CELF2: variants seen among roughly 807,000 people sequenced by gnomAD.
The protein encoded by CELF2 is CUGBP Elav-like family member 2, also known as CUG triplet repeat RNA-binding protein 2.
In CELF2, 8 loss-of-function variants were observed where a neutral mutation model predicts 62.6. The observed-to-expected ratio is 0.13, with a 90% CI of 0.07 to 0.23. CELF2 has a LOEUF of 0.23. CELF2 is among the 10% of genes least tolerant of loss of function. CELF2 has a pLI of 1.00. For missense variants in CELF2, 333 were observed against 671.0 expected (o/e 0.50, Z 5.56); for synonymous variants, 258 against 250.0 (o/e 1.03, Z -0.30).
chr10:11,218,347 T>C (rs1364430366), intron 3 of CELF2, among the ~76,000 whole-genome samples: 1 of 152,212 alleles, frequency 6.6e-6, no homozygotes, highest in Non-Finnish European at 1.5e-5. Flanking sequence ...AAAGATAAGG[T>C]AATGTCCCTA....
intron 1 of CELF2, among the ~76,000 whole-genome samples, chr10:10,808,139 TC>T (rs992646328): frequency 3.3e-5 from 5 of 152,184 alleles, no homozygotes; most frequent in African/African-American, 1.2e-4. Flanking sequence ...TGTGGTAGTT[TC>T]TGTGACATAA....
At chr10:10,507,344 G>A in the CELF2 span, among the ~76,000 whole-genome samples, 1 of 152,084 alleles carries the variant, frequency 6.6e-6, no homozygotes, top group African/African-American at 2.4e-5. Context: ...CCAGCTTTTT[G>A]CTGATACTTC....
chr10:11,183,852 A>G (rs2074147259), intron 2 of CELF2, among the ~76,000 whole-genome samples: 1 of 152,172 alleles, frequency 6.6e-6, no homozygotes, highest in African/African-American at 2.4e-5. Context: ...CACGTTTTGC[A>G]AATATTTACT....
At chr10:11,144,284 G>A (rs1214670300) in intron 1 of CELF2, among the ~76,000 whole-genome samples, 1 of 152,164 alleles carries the variant, frequency 6.6e-6, no homozygotes, top group African/African-American at 2.4e-5. Context: ...GATTTATGTA[G>A]TTGGGCAATT....
At chr10:10,687,841 G>A in the CELF2 span, among the ~76,000 whole-genome samples, 2 of 152,240 alleles carry the variant, frequency 1.3e-5, no homozygotes, top group South Asian at 4.1e-4. Context: ...TGCTACCTGA[G>A]GCATGAGAAA....
the CELF2 span, among the ~76,000 whole-genome samples, chr10:10,700,403 A>G: frequency 6.6e-6 from 1 of 152,162 alleles, no homozygotes; most frequent in Non-Finnish European, 1.5e-5. Flanking sequence ...AATACAACAG[A>G]TTGTTATATG....
rs185618762 is a variant in CELF2, at chr10:10,961,957, G to A, written c.89+41958G>A. On this transcript the variant is annotated intron_variant, in intron 2 of 13. Coordinates refer to the CELF2 transcript ENST00000636488. ...AGGCTGTCCTCTTACAGCCAGGTGC[G>A]GTGACTCATGCTTGTAATGCGGTAC... 1.2e-4 allele frequency among the ~76,000 whole-genome samples: 19 copies of A among 152,074 alleles called. 1 individual carries two copies. The highest frequency in any genetic ancestry group is 2.6e-4 in the Admixed American group (4 of 15,278).
chr10:10,618,152 A>C, the CELF2 span, among the ~76,000 whole-genome samples: 2 of 152,088 alleles, frequency 1.3e-5, no homozygotes, highest in South Asian at 4.1e-4. Flanking sequence ...GCCTCTTTCC[A>C]ATCCAGTATC....
At chr10:11,158,165 A>G (rs1273112837) in intron 1 of CELF2, among the ~76,000 whole-genome samples, 4 of 152,202 alleles carry the variant, frequency 2.6e-5, no homozygotes, top group African/African-American at 4.8e-5. Context: ...GCCACTTTCA[A>G]TTAGTTGCCC....
the CELF2 span, among the ~76,000 whole-genome samples, chr10:10,486,706 C>A: frequency 6.6e-6 from 1 of 152,090 alleles, no homozygotes; most frequent in African/African-American, 2.4e-5. Context: ...AACTGTGGAG[C>A]ATTTTGGATT....
chr10:11,144,797 T>TG (rs1453440358), intron 1 of CELF2, among the ~76,000 whole-genome samples: 2 of 144,638 alleles, frequency 1.4e-5, no homozygotes, highest in Middle Eastern at 3.8e-3. Context: ...GAGGCTGAAG[T>TG]GGGAGAATCA....
rs553380279 is a variant in CELF2 at position 11,007,483 on chromosome 10, G to C, written c.53+2043G>C. On this transcript the variant is annotated intron_variant, in intron 1 of 12. Coordinates refer to the CELF2 transcript ENST00000416382. Reference sequence around the variant, plus strand: ...GATTTTTCTATGGACAGTATTTTCAGAGTAGGTACACTCAAAACATATGTG... The same window carrying C: ...GATTTTTCTATGGACAGTATTTTCACAGTAGGTACACTCAAAACATATGTG... Among the ~76,000 whole-genome samples, 4 of 152,278 alleles carry C rather than the reference G, an allele frequency of 2.6e-5. No individual in the cohort carries two copies. The East Asian group carries it at 7.7e-4, about 29-fold the overall frequency.
Position 11,224,621 on chromosome 10 carries a change from A to G in CELF2, c.354+7114A>G, listed in dbSNP as rs543379868. Among the ~76,000 whole-genome samples, 1 of 152,320 alleles carries G rather than the reference A, an allele frequency of 6.6e-6. No individual in the cohort carries two copies. Among genetic ancestry groups the G allele is most frequent in the African/African-American group, 2.4e-5 (1 of 41,564 alleles). ...CAAATGATGAAAGGAGAAGTTTGAT[A>G]TACACCTAGAAAATTGTCCAAATTC... is the stretch of plus-strand genomic sequence containing the variant. On this transcript the variant is annotated intron_variant, in intron 3 of 12. Transcript: ENST00000633077. The surrounding 1 kb of genome is among the most constrained non-coding windows in gnomAD (Gnocchi z 4.5).
At chr10:11,032,423 G>A (rs2060279604) in intron 1 of CELF2, among the ~76,000 whole-genome samples, 3 of 152,106 alleles carry the variant, frequency 2.0e-5, no homozygotes, top group South Asian at 2.1e-4. Flanking sequence ...TTTGAGGCCA[G>A]CCTGTCCCTA....
At chr10:10,876,629 T>C (rs1038972185) in intron 1 of CELF2, among the ~76,000 whole-genome samples, 5 of 152,192 alleles carry the variant, frequency 3.3e-5, no homozygotes, top group Admixed American at 6.5e-5. Flanking sequence ...AGGACAAAGA[T>C]GTGCAACGTC....
At chr10:10,530,214 CA>C in the CELF2 span, among the ~76,000 whole-genome samples, 1 of 151,970 alleles carries the variant, frequency 6.6e-6, no homozygotes, top group African/African-American at 2.4e-5. Context: ...AGGACGTTCC[CA>C]AAAGTAAGAG....
intron 2 of CELF2, among the ~76,000 whole-genome samples, chr10:11,183,131 G>A (rs2073935121): frequency 6.6e-6 from 1 of 152,146 alleles, no homozygotes; most frequent in Non-Finnish European, 1.5e-5. Flanking sequence ...AGTCCCTTCT[G>A]TCCTGGCTGC....
At chr10:11,089,670 G>A (rs796212691) in intron 1 of CELF2, among the ~76,000 whole-genome samples, 10 of 152,232 alleles carry the variant, frequency 6.6e-5, no homozygotes, top group African/African-American at 2.4e-4. Context: ...AAGGCAGAAG[G>A]CATGAGAGGT....
chr10:11,215,092 A>G (rs545647973), intron 2 of CELF2, among the ~76,000 whole-genome samples: 11 of 152,350 alleles, frequency 7.2e-5, no homozygotes, highest in Non-Finnish European at 1.3e-4. Context: ...AAATCACACT[A>G]AGCTGTAATA....
Sources: allele counts gnomAD v4.1 joint callset (sites outside exome capture counted in the v4.1 genomes callset), GRCh38; gene constraint gnomAD v4.1.1; non-coding constraint Gnocchi (gnomAD v3.1); transcripts MANE v1.5; gene names NCBI Gene and HGNC (gene_info 2026-07-23, HGNC 2026-07-21).